The following KALRN variants were observed in gnomAD, a reference collection of about 807,000 sequenced individuals.
KALRN encodes kalirin.
Under a neutral mutation model 353.7 loss-of-function variants are expected in KALRN, and 70 were observed. That is an observed-to-expected ratio of 0.20 (90% CI 0.16 to 0.24). The LOEUF is 0.24. KALRN is among the 10% of genes least tolerant of loss of function. The pLI, the probability that KALRN is intolerant of heterozygous loss-of-function variation, is 1.00. For missense variants in KALRN, 2,791 were observed against 3,756.7 expected, an observed-to-expected ratio of 0.74 and a Z score of 6.72; for synonymous variants, 1,391 against 1,434.8, an observed-to-expected ratio of 0.97 and a Z score of 0.69.
chr3:124,230,176 T>G (rs2078991174), intron 2 of KALRN, among the ~76,000 whole-genome samples: 1 of 152,200 alleles, frequency 6.6e-6, no homozygotes, highest in South Asian at 2.1e-4. Context: ...TTATCTTTTC[T>G]TCCTTCTTTT....
At chr3:124,373,345 T>A (rs1214345562) in intron 10 of KALRN, among the ~76,000 whole-genome samples, 1 of 152,184 alleles carries the variant, frequency 6.6e-6, no homozygotes, top group Non-Finnish European at 1.5e-5. Context: ...TTATTACATC[T>A]GGGGAAGAGG....
At chr3:124,151,319 T>C (rs1266813770) in intron 1 of KALRN, among the ~76,000 whole-genome samples, 12 of 152,196 alleles carry the variant, frequency 7.9e-5, no homozygotes, top group Admixed American at 7.9e-4. Flanking sequence ...ACACTTCCCA[T>C]TGTTTCATAC....
chr3:124,508,969 T>G (rs2065555394), intron 33 of KALRN, among the ~76,000 whole-genome samples: 1 of 152,206 alleles, frequency 6.6e-6, no homozygotes, highest in Non-Finnish European at 1.5e-5. Context: ...ATAATGTCCC[T>G]GGTTCAAGCT....
intron 33 of KALRN, among the ~76,000 whole-genome samples, chr3:124,549,255 C>G (rs1322379500): frequency 6.6e-6 from 1 of 151,872 alleles, no homozygotes; most frequent in African/African-American, 2.4e-5. Flanking sequence ...CCACTGCCAA[C>G]TGAAACACAG....
Position 124,264,702 on chromosome 3 carries a change from T to G in KALRN, c.456+12T>G, listed in dbSNP as rs1160333102. 3 of 1,611,060 alleles carry G rather than the reference T, an allele frequency of 1.9e-6. No individual in the cohort carries two copies. Among genetic ancestry groups the G allele is most frequent in the Non-Finnish European group, 2.5e-6 (3 of 1,177,348 alleles). Reference sequence around the variant, plus strand: ...AATTCATCTTTGAGGTGAGCCAGATTTCTCTCTCTTAGCATCTTCTTTCCC... The same window carrying G: ...AATTCATCTTTGAGGTGAGCCAGATGTCTCTCTCTTAGCATCTTCTTTCCC... On this transcript the variant is annotated intron_variant, in intron 4 of 59. Transcript: ENST00000682506.
In KALRN at chr3:124,483,668, G is replaced by A. The variant is rs898514162; in HGVS notation, c.4284+768G>A. 3.3e-5 allele frequency among the ~76,000 whole-genome samples: 5 copies of A among 152,216 alleles called. No individual in the cohort carries two copies. The South Asian group carries it at 1.0e-3, about 32-fold the overall frequency. ...ACCTACCATTGTCTGTGTTTGTCAA[G>A]ACGATGAGGATTTTGAGGGAAAATA... On this transcript the variant is annotated intron_variant, in intron 28 of 59. Coordinates refer to ENST00000682506, the MANE Select transcript of KALRN (RefSeq NM_001388419.1).
intron 58 of KALRN, among the ~76,000 whole-genome samples, chr3:124,713,522 A>G (rs1180863871): frequency 6.6e-6 from 1 of 152,138 alleles, no homozygotes; most frequent in East Asian, 1.9e-4. Flanking sequence ...TCTGTGTGTC[A>G]ATTCACCACC....
rs1267628826 is a variant in KALRN, at chr3:124,725,329, A to G, written c.*5859A>G. 6.6e-6 allele frequency: 1 copy of G among 152,180 alleles called. No individual in the cohort carries two copies. Among genetic ancestry groups the G allele is most frequent in the Non-Finnish European group, 1.5e-5 (1 of 68,046 alleles). 9.4% of individuals were successfully genotyped at this position (152,180 alleles called of 1,614,324 possible). A position where few individuals can be genotyped will look rare whatever the true frequency, so the allele number is the denominator to read the frequency against. On this transcript the variant is annotated 3_prime_UTR_variant, in exon 60 of 60. Transcript: ENST00000682506. ...TTCTGTTTCTGCCAAACTTCAGCCT[A>G]CTCTATGGGGAAGGTGAGTAAAACT...
chr3:124,217,435 T>C (rs577326908), intron 1 of KALRN, among the ~76,000 whole-genome samples: 8 of 152,340 alleles, frequency 5.3e-5, no homozygotes, highest in South Asian at 4.1e-4. Context: ...GGGTTCATGC[T>C]ATCTCATTTC....
intron 50 of KALRN, among the ~76,000 whole-genome samples, 155 bp from the exon 51 acceptor site, chr3:124,679,303 G>A (rs2150460401): frequency 6.6e-6 from 1 of 152,316 alleles, no homozygotes; most frequent in African/African-American, 2.4e-5. Flanking sequence ...GCTGCCCCTG[G>A]TGATTCTCAC....
chr3:124,615,037 G>T (rs370422424), intron 34 of KALRN, among the ~76,000 whole-genome samples: 1 of 152,210 alleles, frequency 6.6e-6, no homozygotes, highest in South Asian at 2.1e-4. Context: ...TATGACCAGG[G>T]TTAGGCAAGC....
intron 5 of KALRN, among the ~76,000 whole-genome samples, chr3:124,272,251 C>CT (rs1201471488): frequency 1.3e-5 from 2 of 152,126 alleles, no homozygotes; most frequent in African/African-American, 2.4e-5. Context: ...TACTTGAAGT[C>CT]TAATAACTAC....
At chr3:124,588,428 A>T (rs2075424817) in intron 34 of KALRN, among the ~76,000 whole-genome samples, 1 of 151,920 alleles carries the variant, frequency 6.6e-6, no homozygotes, top group Non-Finnish European at 1.5e-5. Context: ...AGTTTTAGAG[A>T]CTTAATTTTG....
chr3:124,131,415 G>C (rs190644750), intron 1 of KALRN, among the ~76,000 whole-genome samples: 1 of 152,290 alleles, frequency 6.6e-6, no homozygotes, highest in East Asian at 1.9e-4. Context: ...TTGACCCATG[G>C]GGTCTGGTGA....
chr3:124,533,267 GA>G (rs1016463688), intron 33 of KALRN, among the ~76,000 whole-genome samples: 5 of 151,954 alleles, frequency 3.3e-5, no homozygotes, highest in African/African-American at 9.7e-5. Flanking sequence ...TATTTAGCTT[GA>G]AATATAGGCA....
rs111299467 is a variant in KALRN, at chr3:124,268,607, G to T, written c.457-136G>T. The T allele has an allele frequency of 3.3e-4, 280 of 850,190 alleles. No individual in the cohort carries two copies. In the African/African-American group the frequency reaches 4.0e-3, roughly 12 times the overall value. The allele number at this position is 850,190 out of a possible 1,614,324, so 52.7% of individuals were successfully genotyped here. On this transcript the variant is annotated intron_variant, in intron 4 of 59. Coordinates refer to ENST00000682506, the MANE Select transcript of KALRN (RefSeq NM_001388419.1). The stretch of plus-strand genomic sequence containing the variant: ...GTGACTCCTGACCAGTGAGTCCCAT[G>T]GCCTCCACTCACCATTTCCGAGGCA...
At chr3:124,385,156 A>G in intron 11 of KALRN, 120 bp downstream of exon 11, 3 of 764,480 alleles carry the variant, frequency 3.9e-6, no homozygotes, top group Non-Finnish European at 6.0e-6. Flanking sequence ...CTAACTTCCT[A>G]ACTTTGGTAA....
At chr3:124,662,128 G>A (rs2084953872) in intron 45 of KALRN, among the ~76,000 whole-genome samples, 200 bp downstream of exon 45, 1 of 149,918 alleles carries the variant, frequency 6.7e-6, no homozygotes, top group South Asian at 2.2e-4. Context: ...GAGGTCATAA[G>A]AAGTTACAGA....
At chr3:124,120,003 A>G (rs562676695) in intron 1 of KALRN, among the ~76,000 whole-genome samples, 100 of 152,284 alleles carry the variant, frequency 6.6e-4, no homozygotes, top group African/African-American at 2.3e-3. Context: ...ATCTCACCTA[A>G]GGTAGTAGAG....
Sources: allele counts gnomAD v4.1 joint callset (sites outside exome capture counted in the v4.1 genomes callset), GRCh38; gene constraint gnomAD v4.1.1; transcripts MANE v1.5; gene names NCBI Gene and HGNC (gene_info 2026-07-23, HGNC 2026-07-21).